Variants in LDB2 observed in about 807,000 individuals in gnomAD.
The protein encoded by LDB2 is LIM domain binding 2.
In LDB2, 12 loss-of-function variants were observed where a neutral mutation model predicts 44.3. The ratio of observed to expected loss-of-function variants is 0.27; its 90% CI spans 0.17 to 0.44. LDB2 has a LOEUF of 0.44. Among genes scored for constraint, LDB2 ranks in the 20% least tolerant of loss-of-function variants. The probability of loss-of-function intolerance (pLI) is 1.00; values close to 1 mark genes in which losing one functional copy is unlikely to be tolerated. For missense variants in LDB2, 344 were observed against 473.5 expected, an observed-to-expected ratio of 0.73 and a Z score of 2.54; for synonymous variants, 164 against 174.8, an observed-to-expected ratio of 0.94 and a Z score of 0.49.
At chr4:16,529,383 A>G (rs1324514452) in intron 5 of LDB2, among the ~76,000 whole-genome samples, 2 of 152,154 alleles carry the variant, frequency 1.3e-5, no homozygotes, top group African/African-American at 4.8e-5. Context: ...TGTTGAATGA[A>G]TGAATGAGGC....
intron 1 of LDB2, among the ~76,000 whole-genome samples, chr4:16,784,728 A>C (rs207699): frequency 0.77 from 116,615 of 152,080 alleles, 47,172 homozygotes; most frequent in South Asian, 0.92. Flanking sequence ...CTGGGGTCTA[A>C]TCCTAGCCTG....
intron 5 of LDB2, among the ~76,000 whole-genome samples, chr4:16,560,669 A>T (rs1003598087): frequency 1.1e-4 from 16 of 152,350 alleles, no homozygotes; most frequent in Admixed American, 9.1e-4. Context: ...TCCTTCTGAA[A>T]CTATTCCAAT....
intron 2 of LDB2, among the ~76,000 whole-genome samples, chr4:16,748,085 G>A (rs1764735229): frequency 6.6e-6 from 1 of 152,086 alleles, no homozygotes; most frequent in East Asian, 1.9e-4. Flanking sequence ...GATGTGTAAG[G>A]GAGTAATGGT....
chr4:16,527,884 A>G (rs1728774738), intron 5 of LDB2, among the ~76,000 whole-genome samples: 1 of 152,132 alleles, frequency 6.6e-6, no homozygotes, highest in Non-Finnish European at 1.5e-5. Context: ...TTCACTATAA[A>G]TATATCAAAG....
intron 2 of LDB2, among the ~76,000 whole-genome samples, chr4:16,640,958 G>C (rs754312409): frequency 6.6e-6 from 1 of 152,114 alleles, no homozygotes; most frequent in African/African-American, 2.4e-5. Flanking sequence ...TTCACTCTAG[G>C]CTTGGAGTCC....
intron 2 of LDB2, among the ~76,000 whole-genome samples, chr4:16,649,979 T>G (rs2152523098): frequency 6.6e-6 from 1 of 152,342 alleles, no homozygotes; most frequent in East Asian, 1.9e-4. Context: ...AGTGCCTCCC[T>G]TTGCTCCCAA....
chr4:16,503,937 A>C (rs546609788), intron 7 of LDB2, among the ~76,000 whole-genome samples: 1 of 152,294 alleles, frequency 6.6e-6, no homozygotes, highest in East Asian at 1.9e-4. Context: ...AAAGGGGACC[A>C]TATGGGGTTG....
intron 7 of LDB2, among the ~76,000 whole-genome samples, chr4:16,505,101 A>G (rs1718828504): frequency 6.6e-6 from 1 of 152,236 alleles, no homozygotes; most frequent in South Asian, 2.1e-4. Context: ...CAACACTCCA[A>G]ATGCATTCAT....
intron 1 of LDB2, chr4:16,826,350 A>G (rs1783066666): frequency 6.6e-6 from 1 of 152,242 alleles, no homozygotes; most frequent in Admixed American, 6.5e-5. Context: ...TTTCAGTGTA[A>G]ACAAAAGCAA....
chr4:16,837,656 A>G (rs1213205160), intron 1 of LDB2, among the ~76,000 whole-genome samples: 1 of 152,232 alleles, frequency 6.6e-6, no homozygotes, highest in African/African-American at 2.4e-5. Flanking sequence ...TAACTGCCAA[A>G]CATGTGCATA....
chr4:16,878,654 C>T (rs16894146), intron 1 of LDB2, among the ~76,000 whole-genome samples: 8,582 of 152,232 alleles, frequency 0.056, 783 homozygotes, highest in African/African-American at 0.19. Flanking sequence ...CCCTTAACAT[C>T]CTATCTGTAG....
chr4:16,892,737 TAA>T (rs965605473), intron 1 of LDB2, among the ~76,000 whole-genome samples: 11 of 152,288 alleles, frequency 7.2e-5, no homozygotes, highest in Non-Finnish European at 1.3e-4. Context: ...ACAATTGTAA[TAA>T]AAAGAGATTT....
intron 5 of LDB2, among the ~76,000 whole-genome samples, chr4:16,546,834 T>C (rs555794613): frequency 1.3e-5 from 2 of 152,322 alleles, no homozygotes; most frequent in South Asian, 2.1e-4. Context: ...CAGCTTCTGA[T>C]AGCTGCTTAT....
intron 5 of LDB2, among the ~76,000 whole-genome samples, chr4:16,512,396 G>A (rs1347505518): frequency 6.6e-6 from 1 of 151,900 alleles, no homozygotes; most frequent in East Asian, 1.9e-4. Context: ...ACAATGGGGT[G>A]GATATATGTA....
At chr4:16,513,741 T>A (rs1722648505) in intron 5 of LDB2, among the ~76,000 whole-genome samples, 1 of 152,174 alleles carries the variant, frequency 6.6e-6, no homozygotes, top group African/African-American at 2.4e-5. Flanking sequence ...TGAAGGCCTC[T>A]GTATAAAGCA....
At chr4:16,586,292 T>G (rs895608222) in intron 4 of LDB2, among the ~76,000 whole-genome samples, 1 of 152,222 alleles carries the variant, frequency 6.6e-6, no homozygotes, top group Admixed American at 6.5e-5. Flanking sequence ...GCCTTGGCAC[T>G]CGGGTCTCCA....
At chr4:16,601,415 A>T (rs1258205938) in intron 2 of LDB2, among the ~76,000 whole-genome samples, 3 of 152,150 alleles carry the variant, frequency 2.0e-5, no homozygotes, top group African/African-American at 7.2e-5. Context: ...TTCACTTCCA[A>T]GAAACAGAAG....
At chr4:16,520,546 G>A (rs567532612) in intron 5 of LDB2, among the ~76,000 whole-genome samples, 1 of 152,260 alleles carries the variant, frequency 6.6e-6, no homozygotes, top group African/African-American at 2.4e-5. Context: ...TGCAACCGGG[G>A]GATGTGTTGC....
In LDB2 at chr4:16,524,153, G is replaced by T. The variant is rs1727317373; in HGVS notation, c.616-12049C>A. Reference sequence around the variant, plus strand: ...CATTTCATAACTGTAGTAACCTGGGGCACATTATTCAAGCATGTATCACAT... The same window carrying T: ...CATTTCATAACTGTAGTAACCTGGGTCACATTATTCAAGCATGTATCACAT... On this transcript the variant is annotated intron_variant, in intron 5 of 7. Coordinates refer to ENST00000304523, the MANE Select transcript of LDB2 (RefSeq NM_001290.5). Among the ~76,000 whole-genome samples, 6 of 152,300 alleles carry T rather than the reference G, an allele frequency of 3.9e-5. No individual in the cohort carries two copies. The South Asian group carries it at 1.2e-3, about 32-fold the overall frequency.
Sources: gnomAD v4.1 joint callset for allele counts (sites outside exome capture counted in the v4.1 genomes callset) on GRCh38, gnomAD v4.1.1 for gene constraint, MANE v1.5 for transcripts, NCBI Gene and HGNC (gene_info 2026-07-23, HGNC 2026-07-21) for gene names.